PRDM5: variants seen among roughly 807,000 people sequenced by gnomAD.
PRDM5 encodes the protein PR domain zinc finger protein 5.
In PRDM5, 56 loss-of-function variants were observed where a neutral mutation model predicts 81.2. The observed-to-expected ratio is 0.69, with a 90% CI of 0.56 to 0.86. The LOEUF is 0.86. Among genes scored for constraint, PRDM5 ranks in the 40% least tolerant of loss-of-function variants. The probability of loss-of-function intolerance (pLI) is 0.00; values close to 1 mark genes in which losing one functional copy is unlikely to be tolerated. For missense variants in PRDM5, 697 were observed against 770.1 expected, an observed-to-expected ratio of 0.91 and a Z score of 1.12; for synonymous variants, 267 against 256.4, an observed-to-expected ratio of 1.04 and a Z score of -0.39.
chr4:120,920,732 T>C (rs952030005), intron 1 of PRDM5, among the ~76,000 whole-genome samples: 1 of 152,252 alleles, frequency 6.6e-6, no homozygotes, highest in Non-Finnish European at 1.5e-5. Flanking sequence ...AGCAAACATC[T>C]GCACATTCAC....
chr4:120,828,906 CTTATT>C (rs1445978075), intron 3 of PRDM5, among the ~76,000 whole-genome samples: 1 of 152,040 alleles, frequency 6.6e-6, no homozygotes, highest in Non-Finnish European at 1.5e-5. Flanking sequence ...CATCAGTACT[CTTATT>C]TTATCTGTAA....
chr4:120,869,803 G>GA (rs549024234), intron 2 of PRDM5, among the ~76,000 whole-genome samples: 17 of 151,832 alleles, frequency 1.1e-4, no homozygotes, highest in Non-Finnish European at 2.1e-4. Context: ...TTGCCATGTT[G>GA]AAAAAAAACC....
chr4:120,791,976 A>T (rs932781146), intron 10 of PRDM5, among the ~76,000 whole-genome samples: 1 of 152,168 alleles, frequency 6.6e-6, no homozygotes, highest in African/African-American at 2.4e-5. Context: ...TTGATCTTAC[A>T]TTATCCAGCC....
intron 14 of PRDM5, among the ~76,000 whole-genome samples, chr4:120,732,294 T>A (rs1740383659): frequency 6.6e-6 from 1 of 152,252 alleles, no homozygotes; most frequent in South Asian, 2.1e-4. Flanking sequence ...ACATAGTATA[T>A]AATGATCAAT....
intron 2 of PRDM5, among the ~76,000 whole-genome samples, chr4:120,858,148 T>C (rs1370013896): frequency 6.6e-6 from 1 of 152,228 alleles, no homozygotes; most frequent in Non-Finnish European, 1.5e-5. Context: ...CATATTTCCC[T>C]TTTTGTCTTT....
chr4:120,755,938 C>A (rs1449358629), intron 13 of PRDM5, among the ~76,000 whole-genome samples: 1 of 152,096 alleles, frequency 6.6e-6, no homozygotes, highest in African/African-American at 2.4e-5. Context: ...TGACAAACAC[C>A]CAAAGTAGCA....
intron 1 of PRDM5, among the ~76,000 whole-genome samples, chr4:120,909,239 C>T (rs1463734226): frequency 6.6e-6 from 1 of 152,206 alleles, no homozygotes; most frequent in African/African-American, 2.4e-5. Context: ...AGCCAACACT[C>T]AAAACCCTGA....
At chr4:120,892,691 G>A (rs1362523435) in intron 2 of PRDM5, among the ~76,000 whole-genome samples, 6 of 151,392 alleles carry the variant, frequency 4.0e-5, no homozygotes, top group Non-Finnish European at 8.8e-5. Flanking sequence ...TATGAGAGGT[G>A]GAGGAGGGTG....
intron 10 of PRDM5, among the ~76,000 whole-genome samples, chr4:120,790,752 G>C (rs1750444302): frequency 6.6e-6 from 1 of 152,056 alleles, no homozygotes; most frequent in Non-Finnish European, 1.5e-5. Context: ...TCAAATATTT[G>C]GTGAATACTG....
intron 14 of PRDM5, among the ~76,000 whole-genome samples, chr4:120,734,257 T>A (rs1032465585): frequency 6.6e-6 from 1 of 150,636 alleles, no homozygotes; most frequent in African/African-American, 2.4e-5. Flanking sequence ...GTTTGTTTGT[T>A]TTTTTTTTAG....
chr4:120,851,253 C>T (rs1161627636), intron 3 of PRDM5, among the ~76,000 whole-genome samples: 1 of 151,984 alleles, frequency 6.6e-6, no homozygotes, highest in African/African-American at 2.4e-5. Flanking sequence ...TCCACAATCA[C>T]AATGATGGAG....
intron 15 of PRDM5, among the ~76,000 whole-genome samples, chr4:120,699,778 A>C (rs1407435265): frequency 1.3e-5 from 2 of 152,176 alleles, no homozygotes; most frequent in African/African-American, 4.8e-5. Context: ...GATACAAAGA[A>C]ATGGGAAAAT....
intron 1 of PRDM5, among the ~76,000 whole-genome samples, chr4:120,915,337 C>T (rs1365337349): frequency 6.6e-6 from 1 of 152,120 alleles, no homozygotes; most frequent in Admixed American, 6.5e-5. Context: ...TAACAACTTG[C>T]TAAAGGAGGA....
At chr4:120,778,685 C>T (rs1246942831) in intron 12 of PRDM5, among the ~76,000 whole-genome samples, 1 of 151,950 alleles carries the variant, frequency 6.6e-6, no homozygotes, top group Non-Finnish European at 1.5e-5. Flanking sequence ...GTTTGAAAAA[C>T]ACAATCGAAT....
chr4:120,712,035 T>C (rs899383340), intron 14 of PRDM5, among the ~76,000 whole-genome samples: 20 of 151,980 alleles, frequency 1.3e-4, no homozygotes, highest in African/African-American at 4.6e-4. Flanking sequence ...CCTGTAATCC[T>C]AGCACTTTGG....
intron 14 of PRDM5, among the ~76,000 whole-genome samples, chr4:120,752,968 A>G (rs1335123698): frequency 6.6e-6 from 1 of 152,202 alleles, no homozygotes; most frequent in Non-Finnish European, 1.5e-5. Flanking sequence ...GAAGTAAAAA[A>G]CAAATTAATT....
intron 7 of PRDM5, among the ~76,000 whole-genome samples, chr4:120,815,735 T>C (rs1561355276): frequency 1.3e-5 from 2 of 152,178 alleles, no homozygotes; most frequent in African/African-American, 2.4e-5. Flanking sequence ...CAGGGTTTCA[T>C]AAATCTCAAC....
chr4:120,880,522 AC>A (rs1172692747), intron 2 of PRDM5, among the ~76,000 whole-genome samples: 1 of 152,184 alleles, frequency 6.6e-6, no homozygotes, highest in Non-Finnish European at 1.5e-5. Context: ...TATCAATTCA[AC>A]CATGTAACCA....
chr4:120,856,099 C>T (rs1759846844), intron 2 of PRDM5, among the ~76,000 whole-genome samples: 1 of 152,126 alleles, frequency 6.6e-6, no homozygotes, highest in Non-Finnish European at 1.5e-5. Flanking sequence ...CCCTTTAGCC[C>T]CAACTATGTT....
Sources: gnomAD v4.1 joint callset for allele counts (sites outside exome capture counted in the v4.1 genomes callset) on GRCh38, gnomAD v4.1.1 for gene constraint, MANE v1.5 for transcripts, NCBI Gene and HGNC (gene_info 2026-07-23, HGNC 2026-07-21) for gene names.